Variants in CAMTA1 observed in about 807,000 individuals in gnomAD.
CAMTA1 encodes the protein calmodulin binding transcription activator 1.
A neutral mutation model predicts 170.9 loss-of-function variants in CAMTA1; 27 were observed. That is an observed-to-expected ratio of 0.16 (90% CI 0.12 to 0.22). The LOEUF (loss-of-function observed/expected upper bound fraction) is 0.22. CAMTA1 is among the 10% of genes least tolerant of loss of function. The pLI is 1.00. For synonymous variants in CAMTA1, 833 were observed against 891.5 expected, an observed-to-expected ratio of 0.93 and a Z score of 1.17; for missense variants, 1,619 against 2,217.2, an observed-to-expected ratio of 0.73 and a Z score of 5.42.
At chr1:7,479,268 C>A (rs1272136391) in intron 6 of CAMTA1, among the ~76,000 whole-genome samples, 6 of 152,222 alleles carry the variant, frequency 3.9e-5, no homozygotes, top group African/African-American at 1.4e-4. Context: ...AATGGTTTTG[C>A]CTAGACAGGT....
intron 11 of CAMTA1, among the ~76,000 whole-genome samples, chr1:7,703,688 T>TATC (rs1017265044): frequency 9.8e-5 from 15 of 152,298 alleles, no homozygotes; most frequent in Non-Finnish European, 2.2e-4. Flanking sequence ...TGTATCTATA[T>TATC]ATCTATATCT....
Position 6,910,977 on chromosome 1 carries a change from C to T in CAMTA1, c.234+85767C>T, listed in dbSNP as rs760255352. Among the ~76,000 whole-genome samples the T allele has an allele frequency of 5.9e-5, 9 of 152,174 alleles. No homozygotes were observed. In the South Asian group the frequency reaches 6.2e-4, roughly 11 times the overall value. On this transcript the variant is annotated intron_variant, in intron 3 of 22. Transcript: ENST00000303635. ...GGGAGCTGTGTGTCCCCATTGCTCG[C>T]GTCCAGGATGTCATCCTAAATTGCA... is the stretch of plus-strand genomic sequence containing the variant.
intron 6 of CAMTA1, among the ~76,000 whole-genome samples, chr1:7,493,613 C>G (rs1224685230): frequency 6.8e-6 from 1 of 146,870 alleles, no homozygotes; most frequent in Non-Finnish European, 1.5e-5. Flanking sequence ...TTTTATTCCT[C>G]AAAAGCACAG....
chr1:6,920,290 C>T (rs1681721719), intron 3 of CAMTA1, among the ~76,000 whole-genome samples: 1 of 152,192 alleles, frequency 6.6e-6, no homozygotes, highest in Non-Finnish European at 1.5e-5. Context: ...TTTTAAAGTT[C>T]CAAAATGATC....
At chr1:6,786,925 C>T (rs574743188) in intron 1 of CAMTA1, among the ~76,000 whole-genome samples, 12 of 152,302 alleles carry the variant, frequency 7.9e-5, no homozygotes, top group Admixed American at 5.2e-4. Context: ...TCTTGTGTCT[C>T]AGGAGGGGGC....
At chr1:7,243,402 G>C (rs1039213275) in intron 4 of CAMTA1, among the ~76,000 whole-genome samples, 1 of 152,146 alleles carries the variant, frequency 6.6e-6, no homozygotes, top group Non-Finnish European at 1.5e-5. Flanking sequence ...ATTAATTTTT[G>C]TATAAGGTGT....
intron 3 of CAMTA1, among the ~76,000 whole-genome samples, chr1:6,963,748 C>T (rs1690989092): frequency 1.3e-5 from 2 of 152,150 alleles, no homozygotes; most frequent in Admixed American, 6.5e-5. Flanking sequence ...GGGGGCTGGG[C>T]GCGGCTCGGG....
At chr1:7,528,079 G>T (rs1297982444) in intron 6 of CAMTA1, among the ~76,000 whole-genome samples, 1 of 152,194 alleles carries the variant, frequency 6.6e-6, no homozygotes, top group Non-Finnish European at 1.5e-5. Context: ...CCAGACAAAG[G>T]TGCCTGTGGC....
At chr1:7,523,174 T>G (rs553029941) in intron 6 of CAMTA1, among the ~76,000 whole-genome samples, 270 of 152,332 alleles carry the variant, frequency 1.8e-3, no homozygotes, top group African/African-American at 5.3e-3. Flanking sequence ...GCCCTGTTGA[T>G]CTATTAATAT....
At chr1:7,445,438 G>T (rs1008607231) in intron 5 of CAMTA1, among the ~76,000 whole-genome samples, 1 of 152,048 alleles carries the variant, frequency 6.6e-6, no homozygotes, top group Non-Finnish European at 1.5e-5. Context: ...GCCGGGGGAT[G>T]CCCCACTGCC....
chr1:7,440,785 C>T (rs572712483), intron 5 of CAMTA1, among the ~76,000 whole-genome samples: 6 of 152,162 alleles, frequency 3.9e-5, no homozygotes, highest in Non-Finnish European at 8.8e-5. Flanking sequence ...GCGGGCCAAG[C>T]GACATCAGCT....
intron 3 of CAMTA1, among the ~76,000 whole-genome samples, chr1:6,915,614 G>A (rs1223976538): frequency 6.6e-6 from 1 of 152,218 alleles, no homozygotes; most frequent in Non-Finnish European, 1.5e-5. Flanking sequence ...AGAGGACTGT[G>A]GGAGGGAGGG....
chr1:7,058,177 C>T (rs889156681), intron 3 of CAMTA1, among the ~76,000 whole-genome samples: 10 of 151,058 alleles, frequency 6.6e-5, no homozygotes, highest in African/African-American at 9.7e-5. Context: ...CCCCGCATCA[C>T]GACGCATCTA....
intron 4 of CAMTA1, among the ~76,000 whole-genome samples, chr1:7,160,821 C>A (rs1425244158): frequency 6.6e-6 from 1 of 152,184 alleles, no homozygotes; most frequent in Non-Finnish European, 1.5e-5. Context: ...TCTCCCCTGA[C>A]ATGCGTTTCT....
Position 7,674,431 on chromosome 1 carries a change from G to T in CAMTA1, c.2780-3168G>T, listed in dbSNP as rs2096092632. Among the ~76,000 whole-genome samples the T allele has an allele frequency of 6.6e-6, 1 of 152,116 alleles. No homozygotes were observed. Among genetic ancestry groups the T allele is most frequent in the South Asian group, 2.1e-4 (1 of 4,806 alleles). ...GGAATCCACCAAGAAGACTCTACTG[G>T]CCAGAGAGCCCTACTCTGGATTCCT... is the stretch of plus-strand genomic sequence containing the variant. On this transcript the variant is annotated intron_variant, in intron 10 of 22. Transcript: ENST00000303635. The surrounding 1 kb of genome is among the most constrained non-coding windows in gnomAD (Gnocchi z 4.1).
At chr1:7,066,810 G>T (rs1245737124) in intron 3 of CAMTA1, among the ~76,000 whole-genome samples, 1 of 152,180 alleles carries the variant, frequency 6.6e-6, no homozygotes, top group Non-Finnish European at 1.5e-5. Context: ...TAAAGCCAAG[G>T]GAAGGAAAGT....
chr1:6,794,179 A>G (rs1369190931), intron 1 of CAMTA1, among the ~76,000 whole-genome samples: 3 of 152,240 alleles, frequency 2.0e-5, no homozygotes, highest in Non-Finnish European at 4.4e-5. Context: ...TAGAGGACAA[A>G]TAAGTTGATT....
intron 11 of CAMTA1, among the ~76,000 whole-genome samples, chr1:7,689,945 G>T (rs1489723621): frequency 1.3e-5 from 2 of 152,144 alleles, no homozygotes; most frequent in Non-Finnish European, 2.9e-5. Context: ...ATCACCTGAG[G>T]TCAGGAGTTC....
intron 3 of CAMTA1, among the ~76,000 whole-genome samples, chr1:6,838,160 G>A (rs1195124317): frequency 6.6e-6 from 1 of 152,094 alleles, no homozygotes; most frequent in Non-Finnish European, 1.5e-5. Flanking sequence ...GTGCTCAAGT[G>A]GGCTGTAATA....
Sources: allele counts gnomAD v4.1 joint callset (sites outside exome capture counted in the v4.1 genomes callset), GRCh38; gene constraint gnomAD v4.1.1; non-coding constraint Gnocchi (gnomAD v3.1); transcripts MANE v1.5; gene names NCBI Gene and HGNC (gene_info 2026-07-23, HGNC 2026-07-21).